The following JAZF1 variants were observed in gnomAD, a reference collection of about 807,000 sequenced individuals.
JAZF1 encodes the protein juxtaposed with another zinc finger protein 1.
In JAZF1, 8 loss-of-function variants were observed where a neutral mutation model predicts 26.4. The ratio of observed to expected loss-of-function variants is 0.30; its 90% CI spans 0.18 to 0.55. The LOEUF (loss-of-function observed/expected upper bound fraction) is 0.55, where lower values mean the gene tolerates loss of function less well. Among genes scored for constraint, JAZF1 ranks in the 20% least tolerant of loss-of-function variants. The pLI is 0.94. For synonymous variants in JAZF1, 126 were observed against 122.3 expected (o/e 1.03, Z -0.20); for missense variants, 199 against 322.0 (o/e 0.62, Z 2.92).
intron 1 of JAZF1, among the ~76,000 whole-genome samples, chr7:28,018,645 T>G (rs1197493546): frequency 1.3e-5 from 2 of 152,174 alleles, no homozygotes; most frequent in Admixed American, 1.3e-4. Context: ...CTGAGAAACC[T>G]GATATGCTCT....
At chr7:27,956,914 T>C (rs1335416043) in intron 2 of JAZF1, among the ~76,000 whole-genome samples, 1 of 152,272 alleles carries the variant, frequency 6.6e-6, no homozygotes, top group Non-Finnish European at 1.5e-5. Context: ...AGTCTATTTA[T>C]GTGAGATCAC....
chr7:27,942,253 G>A (rs1784858651), intron 2 of JAZF1, among the ~76,000 whole-genome samples: 1 of 152,216 alleles, frequency 6.6e-6, no homozygotes, highest in South Asian at 2.1e-4. Flanking sequence ...CTTATGCGCA[G>A]CCTTCCTCCT....
chr7:27,841,050 C>T, intron 3 of JAZF1, 183 bp from the exon 4 acceptor site: 2 of 586,654 alleles, frequency 3.4e-6, no homozygotes, highest in Non-Finnish European at 6.0e-6. Flanking sequence ...GAAGCAGGAG[C>T]CCTGCGTTCC....
chr7:27,987,478 G>T (rs925043635), intron 2 of JAZF1, among the ~76,000 whole-genome samples: 1 of 152,122 alleles, frequency 6.6e-6, no homozygotes, highest in African/African-American at 2.4e-5. Context: ...CGTCCAGGAG[G>T]TTGGGGGCAG....
intron 2 of JAZF1, among the ~76,000 whole-genome samples, chr7:27,965,644 G>A (rs1353505900): frequency 6.6e-6 from 1 of 152,062 alleles, no homozygotes; most frequent in Non-Finnish European, 1.5e-5. Context: ...CTTTACTTGT[G>A]ACAATAAATG....
chr7:27,897,714 T>A (rs1389700847), intron 2 of JAZF1, among the ~76,000 whole-genome samples: 2 of 152,182 alleles, frequency 1.3e-5, no homozygotes, highest in African/African-American at 2.4e-5. Context: ...GCCCAGAGCG[T>A]GTTTCAAGAG....
At chr7:27,916,088 C>G (rs975977357) in intron 2 of JAZF1, among the ~76,000 whole-genome samples, 1 of 152,116 alleles carries the variant, frequency 6.6e-6, no homozygotes, top group Admixed American at 6.5e-5. Flanking sequence ...ACCATGCACT[C>G]TAAACCCTAG....
intron 3 of JAZF1, among the ~76,000 whole-genome samples, chr7:27,856,104 C>T (rs1783244575): frequency 6.6e-6 from 1 of 152,290 alleles, no homozygotes; most frequent in South Asian, 2.1e-4. Flanking sequence ...AAGCTGCGGA[C>T]CCTCGTGGTG....
intron 1 of JAZF1, among the ~76,000 whole-genome samples, chr7:28,087,085 A>T (rs1026742151): frequency 1.3e-5 from 2 of 152,220 alleles, no homozygotes; most frequent in Admixed American, 1.3e-4. Context: ...TATGACATCA[A>T]ATGACTGACC....
At chr7:28,059,302 C>T (rs1425412644) in intron 1 of JAZF1, among the ~76,000 whole-genome samples, 2 of 152,168 alleles carry the variant, frequency 1.3e-5, no homozygotes, top group Admixed American at 6.5e-5. Context: ...ACACTGCCAA[C>T]ATTTTTTAAA....
intron 1 of JAZF1, among the ~76,000 whole-genome samples, chr7:28,003,764 T>G (rs1782650011): frequency 6.6e-6 from 1 of 152,154 alleles, no homozygotes; most frequent in Non-Finnish European, 1.5e-5. Context: ...ACCTGAAACC[T>G]ACATGCACCG....
intron 1 of JAZF1, among the ~76,000 whole-genome samples, chr7:28,156,164 C>A (rs566810321): frequency 6.6e-6 from 1 of 152,340 alleles, no homozygotes; most frequent in African/African-American, 2.4e-5. Context: ...GATCCTTAAC[C>A]AGGCTTGTGA....
chr7:28,019,824 C>T (rs71532942), intron 1 of JAZF1, among the ~76,000 whole-genome samples: 3,609 of 152,156 alleles, frequency 0.024, 67 homozygotes, highest in Non-Finnish European at 0.032. Context: ...GGGTCACAGG[C>T]TCTGCGACAA....
At chr7:27,857,335 G>A (rs1013741903) in intron 3 of JAZF1, among the ~76,000 whole-genome samples, 5 of 152,324 alleles carry the variant, frequency 3.3e-5, no homozygotes, top group African/African-American at 9.6e-5. Flanking sequence ...ACGCCCACCC[G>A]GAACTCGTGC....
intron 1 of JAZF1, among the ~76,000 whole-genome samples, chr7:28,096,114 A>T (rs1205591035): frequency 6.6e-6 from 1 of 152,214 alleles, no homozygotes; most frequent in East Asian, 1.9e-4. Context: ...CGTGAGACAG[A>T]AGACACTAAA....
intron 1 of JAZF1, among the ~76,000 whole-genome samples, chr7:27,999,113 A>G (rs1414563494): frequency 6.6e-6 from 1 of 152,216 alleles, no homozygotes; most frequent in Admixed American, 6.5e-5. Flanking sequence ...AATGGCTGCA[A>G]GATATGCTTG....
intron 1 of JAZF1, among the ~76,000 whole-genome samples, chr7:28,055,441 T>C (rs755488188): frequency 1.3e-5 from 2 of 152,072 alleles, no homozygotes; most frequent in Non-Finnish European, 2.9e-5. Flanking sequence ...TATGAAGATC[T>C]CCCAGCCCAC....
intron 3 of JAZF1, among the ~76,000 whole-genome samples, chr7:27,847,729 G>A (rs988728309): frequency 5.9e-5 from 9 of 152,156 alleles, no homozygotes; most frequent in Non-Finnish European, 1.2e-4. Context: ...ATGCAGTGGT[G>A]TAATCTCAGT....
At chr7:28,018,001 A>G (rs1782927002) in intron 1 of JAZF1, among the ~76,000 whole-genome samples, 1 of 152,086 alleles carries the variant, frequency 6.6e-6, no homozygotes, top group Non-Finnish European at 1.5e-5. Context: ...TCTCGAACTG[A>G]TCTCGGGTGA....
Sources: allele counts gnomAD v4.1 joint callset (sites outside exome capture counted in the v4.1 genomes callset), GRCh38; gene constraint gnomAD v4.1.1; transcripts MANE v1.5; gene names NCBI Gene and HGNC (gene_info 2026-07-23, HGNC 2026-07-21).